The following PEAK1 variants were observed in gnomAD, a reference collection of about 807,000 sequenced individuals.
The protein encoded by PEAK1 is pseudopodium enriched atypical kinase 1.
A neutral mutation model predicts 124.7 loss-of-function variants in PEAK1; 54 were observed. The observed-to-expected ratio is 0.43, with a 90% confidence interval of 0.35 to 0.54. The LOEUF (loss-of-function observed/expected upper bound fraction) is 0.54. Ranked by LOEUF, PEAK1 falls within the 20% of genes least tolerant of loss-of-function variation. PEAK1 has a pLI of 0.01. For missense variants in PEAK1, 2,046 were observed against 2,134.5 expected, an observed-to-expected ratio of 0.96 and a Z score of 0.82; for synonymous variants, 719 against 760.0, an observed-to-expected ratio of 0.95 and a Z score of 0.89.
intron 1 of PEAK1, among the ~76,000 whole-genome samples, chr15:77,405,071 T>C (rs1040960689): frequency 8.6e-5 from 13 of 151,660 alleles, no homozygotes; most frequent in African/African-American, 1.7e-4. Flanking sequence ...AGTGGTGCAA[T>C]CTTGGCTCAC....
Position 77,181,987 on chromosome 15 carries a change from T to G in PEAK1, c.-61A>C. ...TTCAGTGCATGACAAAACTTTCATC[T>G]GTTAGTTTTCACTTCCCCTATGTGT... On this transcript the variant is annotated 5_prime_UTR_variant, in exon 7 of 10. Coordinates refer to ENST00000682557, the MANE Select transcript of PEAK1 (RefSeq NM_001385026.1). The G allele has an allele frequency of 6.6e-7, 1 of 1,506,650 alleles. No homozygotes were observed. The highest frequency in any genetic ancestry group is 1.4e-5 in the South Asian group (1 of 72,442). The allele number at this position is 1,506,650 out of a possible 1,614,324, so 93.3% of individuals were successfully genotyped here.
rs144376395 is a variant in PEAK1, at chr15:77,210,606, G to A, written c.-114-28566C>T. Among the ~76,000 whole-genome samples, 733 of 152,318 alleles carry A rather than the reference G, an allele frequency of 4.8e-3. 5 individuals are homozygous for A. The highest frequency in any genetic ancestry group is 0.017 in the African/African-American group (688 of 41,578). On this transcript the variant is annotated intron_variant, in intron 6 of 9. Transcript: ENST00000682557. ...TTAAGAAAATAAATTCAGGCTGGGC[G>A]CAGTGGCTCACGCCTGTAATCCCAA...
chr15:77,325,447 AAAT>A (rs1255301814), intron 2 of PEAK1, among the ~76,000 whole-genome samples: 4 of 143,042 alleles, frequency 2.8e-5, no homozygotes, highest in African/African-American at 1.0e-4. Flanking sequence ...ATAAATAAAT[AAAT>A]AAAATAATTA....
chr15:77,345,026 A>T (rs991694402), intron 2 of PEAK1, among the ~76,000 whole-genome samples: 2 of 151,950 alleles, frequency 1.3e-5, no homozygotes, highest in Non-Finnish European at 2.9e-5. Context: ...GTTTGGATAA[A>T]TTTTTTTTCT....
At chr15:77,176,845 G>A (rs1208309351) in intron 7 of PEAK1, among the ~76,000 whole-genome samples, 6 of 152,182 alleles carry the variant, frequency 3.9e-5, no homozygotes, top group African/African-American at 1.4e-4. Context: ...ATACACTACA[G>A]TGGTACTTAA....
intron 5 of PEAK1, among the ~76,000 whole-genome samples, chr15:77,283,557 TCTACAA>T (rs2062777178): frequency 6.6e-6 from 1 of 152,238 alleles, no homozygotes; most frequent in Middle Eastern, 3.4e-3. Flanking sequence ...CAGTTGTAGC[TCTACAA>T]CTACAAAGTG....
At chr15:77,269,106 GA>G (rs368372986) in intron 5 of PEAK1, among the ~76,000 whole-genome samples, 2,317 of 131,108 alleles carry the variant, frequency 0.018, 44 homozygotes, top group African/African-American at 0.049. Flanking sequence ...ACAACACAAT[GA>G]AAAAAAAAAA....
chr15:77,355,592 C>A (rs2067470301), intron 2 of PEAK1, among the ~76,000 whole-genome samples: 1 of 152,112 alleles, frequency 6.6e-6, no homozygotes. Flanking sequence ...GAAAAATCAA[C>A]AAGATTCTGT....
intron 6 of PEAK1, among the ~76,000 whole-genome samples, chr15:77,242,346 C>A (rs2060395842): frequency 6.6e-6 from 1 of 152,064 alleles, no homozygotes. Context: ...TAAAACTTAA[C>A]TCCTCTGAAA....
chr15:77,337,330 T>C (rs1004699774), intron 2 of PEAK1: 2 of 973,268 alleles, frequency 2.1e-6, no homozygotes, highest in Non-Finnish European at 1.2e-6. Context: ...TTTCATTTAT[T>C]TGAGAGGAGA....
chr15:77,322,683 C>T (rs966212695), intron 2 of PEAK1, among the ~76,000 whole-genome samples: 2 of 152,090 alleles, frequency 1.3e-5, no homozygotes, highest in African/African-American at 4.8e-5. Context: ...GATTCACAGC[C>T]AAATTCTACC....
chr15:77,347,676 C>T, intron 2 of PEAK1: 1 of 974,378 alleles, frequency 1.0e-6, no homozygotes, highest in African/African-American at 1.8e-5. Flanking sequence ...CAACACCCTC[C>T]TAAAACAGAA....
chr15:77,281,976 G>A (rs943236787), intron 5 of PEAK1, among the ~76,000 whole-genome samples: 5 of 152,040 alleles, frequency 3.3e-5, no homozygotes, highest in Admixed American at 2.6e-4. Context: ...GAAATAAAAC[G>A]AAGCCCTGAG....
intron 8 of PEAK1, among the ~76,000 whole-genome samples, chr15:77,150,503 ATTAT>A (rs200938036): frequency 0.01 from 1,577 of 152,150 alleles, 29 homozygotes; most frequent in African/African-American, 0.036. Flanking sequence ...AAATAAAATA[ATTAT>A]TTATTTATTT....
intron 1 of PEAK1, among the ~76,000 whole-genome samples, chr15:77,407,328 T>C (rs987853908): frequency 4.0e-5 from 6 of 151,668 alleles, no homozygotes; most frequent in Admixed American, 6.6e-5. Flanking sequence ...GCAGAGTAAA[T>C]AGACAACCCA....
At chr15:77,400,098 C>T (rs931910180) in intron 1 of PEAK1, among the ~76,000 whole-genome samples, 3 of 152,016 alleles carry the variant, frequency 2.0e-5, no homozygotes, top group African/African-American at 7.2e-5. Flanking sequence ...AATGCAAAAT[C>T]AATCAGATAT....
At chr15:77,150,195 C>CT (rs1555423034) in intron 8 of PEAK1, among the ~76,000 whole-genome samples, 1 of 151,888 alleles carries the variant, frequency 6.6e-6, no homozygotes, top group Non-Finnish European at 1.5e-5. Flanking sequence ...TACATGACTT[C>CT]TTTTTTTAAA....
At chr15:77,172,438 T>C (rs1287540010) in intron 7 of PEAK1, among the ~76,000 whole-genome samples, 1 of 150,694 alleles carries the variant, frequency 6.6e-6, no homozygotes, top group Non-Finnish European at 1.5e-5. Flanking sequence ...AAAATTTGGA[T>C]TTTATATCAC....
At chr15:77,334,947 C>G (rs1163229599) in intron 2 of PEAK1, 1 of 985,332 alleles carries the variant, frequency 1.0e-6, no homozygotes, top group Admixed American at 6.1e-5. Context: ...TTTTTGAGAA[C>G]ACAAATCTCA....
Sources: gnomAD v4.1 joint callset for allele counts (sites outside exome capture counted in the v4.1 genomes callset) on GRCh38, gnomAD v4.1.1 for gene constraint, MANE v1.5 for transcripts, NCBI Gene and HGNC (gene_info 2026-07-23, HGNC 2026-07-21) for gene names.